The following FAM83G variants were observed in gnomAD, a reference collection of about 807,000 sequenced individuals.
FAM83G encodes the protein protein FAM83G.
Under a neutral mutation model 61.5 loss-of-function variants are expected in FAM83G, and 38 were observed. The observed-to-expected ratio is 0.62, with a 90% CI of 0.48 to 0.81. The LOEUF (loss-of-function observed/expected upper bound fraction) is 0.81. Among genes scored for constraint, FAM83G ranks in the 30% least tolerant of loss-of-function variants. The pLI is 0.00. For synonymous variants in FAM83G, 470 were observed against 476.1 expected, an observed-to-expected ratio of 0.99 and a Z score of 0.17; for missense variants, 989 against 1,133.6, an observed-to-expected ratio of 0.87 and a Z score of 1.83.
intron 5 of FAM83G, among the ~76,000 whole-genome samples, chr17:18,975,509 G>A (rs147758381): frequency 0.012 from 1,828 of 152,038 alleles, 32 homozygotes; most frequent in African/African-American, 0.041. Flanking sequence ...GACCAACATG[G>A]TAAAACCCCA....
rs1276212590 is a variant in FAM83G, at chr17:19,000,773, G to A, written c.522+2747C>T. Among the ~76,000 whole-genome samples, 1 of 152,228 alleles carries A rather than the reference G, an allele frequency of 6.6e-6. No individual in the cohort carries two copies. Among genetic ancestry groups the A allele is most frequent in the Non-Finnish European group, 1.5e-5 (1 of 68,044 alleles). On this transcript the variant is annotated intron_variant, in intron 2 of 5. Transcript: ENST00000388995. The surrounding 1 kb of genome is among the most constrained non-coding windows in gnomAD (Gnocchi z 5.2). ...ACACAATACCAGAGTGAGAAGGGGA[G>A]GTGGAAGCATGGGCACGAGAGGTGA...
intron 2 of FAM83G, among the ~76,000 whole-genome samples, chr17:18,998,183 G>A (rs1238563503): frequency 3.3e-5 from 5 of 152,278 alleles, no homozygotes; most frequent in African/African-American, 4.8e-5. Flanking sequence ...TGGGGCCAAC[G>A]TGGGCCAGGG....
chr17:18,970,513 TCTCC>T lies in FAM83G; in HGVS notation c.*842_*845del. The T allele has an allele frequency of 5.8e-6, 1 of 173,600 alleles. No homozygotes were observed. Among genetic ancestry groups the T allele is most frequent in the South Asian group, 1.3e-4 (1 of 7,464 alleles). 10.8% of individuals were successfully genotyped at this position (173,600 alleles called of 1,614,324 possible). A position where few individuals can be genotyped will look rare whatever the true frequency, so the allele number is the denominator to read the frequency against. The stretch of plus-strand genomic sequence containing the variant: ...GAGGCCCCATCCCTCTCTGGACCTG[TCTCC>T]CTCTTCTCTGTGCCTCAGGGGGTGG... On this transcript the variant is annotated 3_prime_UTR_variant, in exon 6 of 6. Coordinates refer to ENST00000388995, the MANE Select transcript of FAM83G (RefSeq NM_001039999.3).
intron 2 of FAM83G, among the ~76,000 whole-genome samples, chr17:18,997,788 C>T (rs1487204795): frequency 2.0e-5 from 3 of 152,194 alleles, no homozygotes; most frequent in Admixed American, 2.0e-4. Flanking sequence ...GCTCTCAGGA[C>T]AGGAGTGAGG....
intron 3 of FAM83G, among the ~76,000 whole-genome samples, chr17:18,986,744 C>T (rs570237013): frequency 1.4e-3 from 209 of 152,336 alleles, no homozygotes; most frequent in Non-Finnish European, 2.1e-3. Flanking sequence ...TGCGTCTGCA[C>T]GCTGGGGGAA....
At chr17:18,973,286 C>T (rs569329029) in intron 5 of FAM83G, among the ~76,000 whole-genome samples, 2 of 152,242 alleles carry the variant, frequency 1.3e-5, no homozygotes, top group Non-Finnish European at 2.9e-5. Context: ...CAAGGCCAAA[C>T]GAATCTGCAC....
At chr17:18,986,593 C>T (rs1390038097) in intron 3 of FAM83G, among the ~76,000 whole-genome samples, 1 of 152,252 alleles carries the variant, frequency 6.6e-6, no homozygotes, top group Non-Finnish European at 1.5e-5. Flanking sequence ...CCTCCGGCTT[C>T]CTGGAAACTC....
intron 5 of FAM83G, among the ~76,000 whole-genome samples, chr17:18,974,540 C>A (rs1002910028): frequency 6.6e-6 from 1 of 152,208 alleles, no homozygotes; most frequent in Non-Finnish European, 1.5e-5. Flanking sequence ...CCTGCTGATG[C>A]CGCAGCTCCA....
At chr17:18,972,801 ACAGTGAG>A (rs1250321158) in intron 5 of FAM83G, among the ~76,000 whole-genome samples, 4 of 151,760 alleles carry the variant, frequency 2.6e-5, no homozygotes, top group African/African-American at 7.3e-5. Flanking sequence ...GGTGGAGTTG[ACAGTGAG>A]CAGTGAGCCG....
chr17:19,000,263 T>C lies in FAM83G; in HGVS notation c.522+3257A>G, dbSNP rs8064539. Among the ~76,000 whole-genome samples, 22,576 of 152,106 alleles carry C rather than the reference T, an allele frequency of 0.15. 3,420 individuals are homozygous for C. The highest frequency in any genetic ancestry group is 0.4 in the East Asian group (2,080 of 5,156). ...GGCACAAGCTGCTGAGAGTGAGACC[T>C]GGGACCCACCCGCCTCTTGTCCCAG... On this transcript the variant is annotated intron_variant, in intron 2 of 5. Coordinates refer to ENST00000388995, the MANE Select transcript of FAM83G (RefSeq NM_001039999.3). The surrounding 1 kb of genome is among the most constrained non-coding windows in gnomAD (Gnocchi z 5.2).
intron 5 of FAM83G, chr17:18,976,376 A>G (rs906423406): frequency 3.3e-5 from 5 of 153,660 alleles, no homozygotes; most frequent in African/African-American, 1.2e-4. Context: ...CTGCTACTGA[A>G]CTGCAAGCTT....
At chr17:18,997,809 G>A (rs1008704018) in intron 2 of FAM83G, among the ~76,000 whole-genome samples, 24 of 152,214 alleles carry the variant, frequency 1.6e-4, no homozygotes, top group African/African-American at 5.8e-4. Flanking sequence ...AGTGAAGGTG[G>A]AGGAGGCGAG....
intron 5 of FAM83G, among the ~76,000 whole-genome samples, chr17:18,973,699 G>A (rs895648783): frequency 6.6e-6 from 1 of 151,898 alleles, no homozygotes; most frequent in African/African-American, 2.4e-5. Context: ...GACCATAGGG[G>A]TGTTTTGCTT....
chr17:18,976,492 G>A, intron 5 of FAM83G: 1 of 205,128 alleles, frequency 4.9e-6, no homozygotes, highest in Non-Finnish European at 9.7e-6. Flanking sequence ...CTGTCATGAG[G>A]GTCCAGGAGA....
intron 2 of FAM83G, among the ~76,000 whole-genome samples, chr17:19,001,170 G>A (rs1013470631): frequency 6.6e-6 from 1 of 152,196 alleles, no homozygotes; most frequent in African/African-American, 2.4e-5. Flanking sequence ...ACTTGCTATT[G>A]TTATTATCCC....
At chr17:19,001,376 C>T (rs1371137807) in intron 2 of FAM83G, among the ~76,000 whole-genome samples, 2 of 152,184 alleles carry the variant, frequency 1.3e-5, no homozygotes, top group African/African-American at 4.8e-5. Flanking sequence ...TCTGAGGCCC[C>T]CACTGTGGGA....
intron 5 of FAM83G, among the ~76,000 whole-genome samples, chr17:18,975,365 G>A (rs989582433): frequency 2.6e-5 from 4 of 152,154 alleles, no homozygotes; most frequent in South Asian, 2.1e-4. Flanking sequence ...GGAGCCGTCC[G>A]TTAAACTAGC....
At chr17:18,979,142 T>C in intron 4 of FAM83G, 1 of 514,168 alleles carries the variant, frequency 1.9e-6, no homozygotes, top group Admixed American at 3.3e-5. Flanking sequence ...CTGTGGGGGG[T>C]TCTGCATGTG....
rs1200366629 is a variant in FAM83G, at chr17:19,003,632, TCGGGC to T, written c.405_409del (p.Trp135Ter). On this transcript the variant is annotated stop_gained and frameshift_variant, in exon 2 of 6. Coordinates refer to ENST00000388995, the MANE Select transcript of FAM83G (RefSeq NM_001039999.3). LOFTEE classifies it high-confidence loss of function. The surrounding 1 kb of genome is among the most constrained non-coding windows in gnomAD (Gnocchi z 4.5). ...GGTCACGCCGCGGTAGGCGATGGTG[TCGGGC>T]CAGCCCAGGTCCAGCTGCGGGATGG... 1.2e-6 allele frequency: 2 copies of T among 1,612,226 alleles called. No individual in the cohort carries two copies. The highest frequency in any genetic ancestry group is 2.2e-5 in the South Asian group (2 of 90,976).
Sources: allele counts gnomAD v4.1 joint callset (sites outside exome capture counted in the v4.1 genomes callset), GRCh38; gene constraint gnomAD v4.1.1; non-coding constraint Gnocchi (gnomAD v3.1); transcripts MANE v1.5; gene names NCBI Gene and HGNC (gene_info 2026-07-23, HGNC 2026-07-21).